Variants in COL25A1 observed in about 807,000 individuals in gnomAD.
The protein encoded by COL25A1 is collagen alpha-1(XXV) chain.
COL25A1 carries 103 observed loss-of-function variants against 128.4 expected under a neutral mutation model. The ratio of observed to expected loss-of-function variants is 0.80; its 90% CI spans 0.68 to 0.94. The LOEUF is 0.94. Ranked by LOEUF, COL25A1 falls within the 40% of genes least tolerant of loss-of-function variation. The pLI, the probability that COL25A1 is intolerant of heterozygous loss-of-function variation, is 0.00. For missense variants in COL25A1, 745 were observed against 840.0 expected (o/e 0.89, Z 1.40); for synonymous variants, 279 against 277.2 (o/e 1.01, Z -0.06).
intron 5 of COL25A1, chr4:109,021,715 A>G: frequency 2.2e-6 from 1 of 453,314 alleles, no homozygotes; most frequent in South Asian, 1.6e-5. Flanking sequence ...AGATATCACC[A>G]AATTCTTTTC....
chr4:109,106,607 G>C (rs1454093975), intron 3 of COL25A1, among the ~76,000 whole-genome samples: 1 of 152,062 alleles, frequency 6.6e-6, no homozygotes, highest in Non-Finnish European at 1.5e-5. Flanking sequence ...GAAAAGTATA[G>C]CTAAGAGCAT....
chr4:109,106,772 TG>T (rs1222832846), intron 3 of COL25A1, among the ~76,000 whole-genome samples: 144 of 101,416 alleles, frequency 1.4e-3, no homozygotes, highest in Non-Finnish European at 2.1e-3. Flanking sequence ...AAAAATTTTT[TG>T]GGGGGGTGGG....
At chr4:109,257,577 T>C (rs1382020072) in intron 3 of COL25A1, among the ~76,000 whole-genome samples, 2 of 152,220 alleles carry the variant, frequency 1.3e-5, no homozygotes, top group Admixed American at 6.5e-5. Flanking sequence ...TATCTTTCCA[T>C]AGACTTTTAG....
intron 5 of COL25A1, among the ~76,000 whole-genome samples, chr4:109,039,315 C>G (rs1375871977): frequency 1.3e-5 from 2 of 152,140 alleles, no homozygotes; most frequent in Non-Finnish European, 2.9e-5. Flanking sequence ...GCAAAGTACT[C>G]CATAGCCTCA....
At chr4:109,177,433 C>T (rs192427995) in intron 3 of COL25A1, among the ~76,000 whole-genome samples, 13 of 152,284 alleles carry the variant, frequency 8.5e-5, no homozygotes, top group Admixed American at 7.2e-4. Context: ...GAATATCTTG[C>T]GTTACTCCAG....
chr4:108,852,378 G>A lies in COL25A1; in HGVS notation c.1345-98C>T, dbSNP rs370122895. The stretch of plus-strand genomic sequence containing the variant: ...ACTATACACCTTCCTTATTTCTATC[G>A]TAATCAGATCTCCCCAAATATAAAT... On this transcript the variant is annotated intron_variant, in intron 25 of 37. Coordinates refer to ENST00000399132, the MANE Select transcript of COL25A1 (RefSeq NM_198721.4). The A allele has an allele frequency of 1.2e-3, 1,011 of 872,746 alleles. 17 individuals carry two copies. In the South Asian group the frequency reaches 0.016, roughly 14 times the overall value. 54.1% of individuals were successfully genotyped at this position (872,746 alleles called of 1,614,324 possible). A position where few individuals can be genotyped will look rare whatever the true frequency, so the allele number is the denominator to read the frequency against.
At chr4:109,130,551 A>C (rs1455929077) in intron 3 of COL25A1, among the ~76,000 whole-genome samples, 1 of 150,616 alleles carries the variant, frequency 6.6e-6, no homozygotes, top group Non-Finnish European at 1.5e-5. Flanking sequence ...ATCAGTAAAA[A>C]GGGGAAGGAG....
intron 8 of COL25A1, among the ~76,000 whole-genome samples, chr4:108,953,790 C>A (rs557606081): frequency 1.3e-5 from 2 of 152,198 alleles, no homozygotes; most frequent in South Asian, 4.1e-4. Context: ...AATGAAAATA[C>A]ATTTGATAGT....
intron 3 of COL25A1, among the ~76,000 whole-genome samples, chr4:109,133,391 G>T: frequency 6.6e-6 from 1 of 151,656 alleles, no homozygotes; most frequent in South Asian, 2.1e-4. Flanking sequence ...TGACCTATAG[G>T]GTCATTGTTG....
intron 3 of COL25A1, among the ~76,000 whole-genome samples, chr4:109,197,069 G>A (rs1267770801): frequency 6.6e-6 from 1 of 151,732 alleles, no homozygotes; most frequent in Non-Finnish European, 1.5e-5. Flanking sequence ...TGTAATCCCA[G>A]CATTTTGGGA....
chr4:109,139,658 C>G (rs1456949601), intron 3 of COL25A1, among the ~76,000 whole-genome samples: 3 of 151,804 alleles, frequency 2.0e-5, no homozygotes, highest in Non-Finnish European at 4.4e-5. Context: ...TTCCTTCCCC[C>G]ACCTTTTATT....
intron 8 of COL25A1, among the ~76,000 whole-genome samples, chr4:108,960,403 G>A (rs981776572): frequency 2.4e-4 from 36 of 152,036 alleles, no homozygotes; most frequent in African/African-American, 8.2e-4. Flanking sequence ...ATGCCTATAA[G>A]CCATGTTACC....
At position 109,250,045 on chromosome 4, in the gene COL25A1, C is replaced by T. The variant is rs903389435; in HGVS notation, c.367+50538G>A. 4.6e-5 allele frequency among the ~76,000 whole-genome samples: 7 copies of T among 152,092 alleles called. No homozygotes were observed. In the East Asian group the frequency reaches 5.8e-4, roughly 13 times the overall value. On this transcript the variant is annotated intron_variant, in intron 3 of 37. Coordinates refer to ENST00000399132, the MANE Select transcript of COL25A1 (RefSeq NM_198721.4). ...GGAGATGGGCAACCAGTAGTACTGG[C>T]GGTATGTTATGTAGAAAGAGTAATA...
At chr4:108,819,040 C>A (rs1235646049) in intron 36 of COL25A1, among the ~76,000 whole-genome samples, 1 of 152,114 alleles carries the variant, frequency 6.6e-6, no homozygotes, top group Non-Finnish European at 1.5e-5. Context: ...GTTGTGAGAA[C>A]AACATCAGGA....
chr4:109,191,612 C>A (rs565056644), intron 3 of COL25A1, among the ~76,000 whole-genome samples: 2 of 152,268 alleles, frequency 1.3e-5, no homozygotes, highest in South Asian at 2.1e-4. Flanking sequence ...GGTTAATAGA[C>A]CCAATATTTA....
intron 31 of COL25A1, among the ~76,000 whole-genome samples, chr4:108,835,834 G>A (rs1315370842): frequency 1.4e-5 from 2 of 141,568 alleles, no homozygotes; most frequent in Non-Finnish European, 3.0e-5. Context: ...TTACAGGTGT[G>A]AGCCACAGTG....
chr4:109,049,849 A>G (rs1233764458), intron 4 of COL25A1, among the ~76,000 whole-genome samples: 3 of 152,192 alleles, frequency 2.0e-5, no homozygotes, highest in Non-Finnish European at 4.4e-5. Flanking sequence ...TTGTACATAG[A>G]AAGGACAGAC....
intron 13 of COL25A1, among the ~76,000 whole-genome samples, chr4:108,909,674 C>T (rs757523706): frequency 2.0e-5 from 3 of 152,114 alleles, no homozygotes; most frequent in South Asian, 2.1e-4. Context: ...GGGGAGATCA[C>T]GAAAGATAGC....
intron 3 of COL25A1, among the ~76,000 whole-genome samples, chr4:109,125,213 G>A (rs1768477749): frequency 6.6e-6 from 1 of 152,134 alleles, no homozygotes; most frequent in East Asian, 1.9e-4. Context: ...GCAGGTAGTA[G>A]ATGGCTATCC....
Sources: allele counts gnomAD v4.1 joint callset (sites outside exome capture counted in the v4.1 genomes callset), GRCh38; gene constraint gnomAD v4.1.1; transcripts MANE v1.5; gene names NCBI Gene and HGNC (gene_info 2026-07-23, HGNC 2026-07-21).